The following RAPGEF1 variants were observed in gnomAD, a reference collection of about 807,000 sequenced individuals.
The protein encoded by RAPGEF1 is Rap guanine nucleotide exchange factor 1, also known as CRK SH3-binding GNRP.
In RAPGEF1, 33 loss-of-function variants were observed where a neutral mutation model predicts 143.3. That is an observed-to-expected ratio of 0.23 (90% CI 0.17 to 0.31). The LOEUF is 0.31. Among genes scored for constraint, RAPGEF1 ranks in the 10% least tolerant of loss-of-function variants. RAPGEF1 has a pLI of 1.00. For synonymous variants in RAPGEF1, 629 were observed against 676.5 expected (o/e 0.93, Z 1.09); for missense variants, 1,199 against 1,645.4 (o/e 0.73, Z 4.69).
At chr9:131,586,554 C>T (rs1343241675) in intron 22 of RAPGEF1, among the ~76,000 whole-genome samples, 6 of 59,596 alleles carry the variant, frequency 1.0e-4, no homozygotes, top group Admixed American at 2.0e-4. Flanking sequence ...ACCTGCAGAG[C>T]GAGACTCCGT....
In RAPGEF1 at chr9:131,579,569, T is replaced by C. The variant is rs200892914; in HGVS notation, c.3720A>G (p.Leu1240=). The change falls in exon 27 of 27, where the codon CTA becomes CTG. Residue 1240 remains leucine, a synonymous_variant. Coordinates refer to ENST00000683357, the MANE Select transcript of RAPGEF1 (RefSeq NM_001377935.1). ...GTTTAATTTTCAGAGACAGTTCCCA[T>C]AGGGCCTCCTCAGCCAGGTGGTCAC... ...DFSDHLAEEA[L]WELSLKIKPR... is the part of the protein sequence containing the mutation. 8.4e-5 allele frequency: 135 copies of C among 1,613,906 alleles called. No homozygotes were observed. The highest frequency in any genetic ancestry group is 3.3e-4 in the Middle Eastern group (2 of 6,084).
chr9:131,611,699 G>A (rs951153289), intron 12 of RAPGEF1, among the ~76,000 whole-genome samples: 2 of 152,048 alleles, frequency 1.3e-5, no homozygotes, highest in Non-Finnish European at 2.9e-5. Flanking sequence ...AGCCTGACAG[G>A]GGCTCTAATT....
chr9:131,613,884 T>C (rs1413947430), intron 12 of RAPGEF1, among the ~76,000 whole-genome samples: 2 of 151,834 alleles, frequency 1.3e-5, no homozygotes, highest in African/African-American at 4.8e-5. Flanking sequence ...CCCTTGAGGG[T>C]ATAGACTTGT....
chr9:131,648,498 G>A (rs1006329962), intron 3 of RAPGEF1, among the ~76,000 whole-genome samples: 3 of 152,208 alleles, frequency 2.0e-5, no homozygotes, highest in Admixed American at 6.5e-5. Flanking sequence ...GCAGGATAAC[G>A]TTGTTAGTAA....
intron 12 of RAPGEF1, among the ~76,000 whole-genome samples, chr9:131,614,834 G>GTTT (rs5900947): frequency 2.7e-5 from 4 of 146,220 alleles, no homozygotes; most frequent in Non-Finnish European, 1.5e-5. Context: ...TTAGCCTGAA[G>GTTT]TTTTTTTTTT....
chr9:131,694,363 GGAAGAGCT>G (rs1833988032), intron 1 of RAPGEF1, among the ~76,000 whole-genome samples: 1 of 152,208 alleles, frequency 6.6e-6, no homozygotes, highest in Non-Finnish European at 1.5e-5. Context: ...TCACACTCCT[GGAAGAGCT>G]GAAGAGCTGA....
intron 5 of RAPGEF1, among the ~76,000 whole-genome samples, chr9:131,635,023 G>A (rs73559680): frequency 0.024 from 3,696 of 152,120 alleles, 154 homozygotes; most frequent in African/African-American, 0.084. Context: ...ACAGGCTCCC[G>A]GTGGAAAAGC....
At chr9:131,705,101 TA>T (rs1834952184) in intron 1 of RAPGEF1, among the ~76,000 whole-genome samples, 1 of 152,184 alleles carries the variant, frequency 6.6e-6, no homozygotes, top group Admixed American at 6.5e-5. Context: ...AGGTCCCAAA[TA>T]ACCACCTGCC....
chr9:131,718,359 G>A (rs1836011194), intron 1 of RAPGEF1, among the ~76,000 whole-genome samples: 1 of 152,204 alleles, frequency 6.6e-6, no homozygotes, highest in Non-Finnish European at 1.5e-5. Context: ...GTGTGGGGAA[G>A]CCCCAGGCAA....
chr9:131,594,821 T>C (rs1319527098), intron 17 of RAPGEF1, among the ~76,000 whole-genome samples: 2 of 152,210 alleles, frequency 1.3e-5, no homozygotes, highest in Non-Finnish European at 2.9e-5. Context: ...CCTCCAGCCT[T>C]GGCCACAGCT....
intron 1 of RAPGEF1, among the ~76,000 whole-genome samples, chr9:131,666,576 G>A (rs755438339): frequency 3.3e-5 from 5 of 151,710 alleles, no homozygotes; most frequent in South Asian, 4.2e-4. Flanking sequence ...TAGTAGAGAC[G>A]GTTTCACCAT....
intron 12 of RAPGEF1, among the ~76,000 whole-genome samples, chr9:131,610,309 C>T (rs1037951326): frequency 4.0e-5 from 6 of 151,670 alleles, no homozygotes; most frequent in East Asian, 1.9e-4. Context: ...TGCTCATCAG[C>T]GGCTGAGGGT....
chr9:131,635,314 A>G (rs1966079641), intron 5 of RAPGEF1, among the ~76,000 whole-genome samples: 1 of 152,206 alleles, frequency 6.6e-6, no homozygotes, highest in Non-Finnish European at 1.5e-5. Flanking sequence ...ATACAGCTTG[A>G]ACAAGTGGCA....
intron 13 of RAPGEF1, 100 bp downstream of exon 13, chr9:131,604,831 G>A (rs1187009284): frequency 8.3e-6 from 10 of 1,209,020 alleles, no homozygotes; most frequent in Non-Finnish European, 1.1e-5. Context: ...GGGAGGCAGT[G>A]TCTTTCAGGA....
chr9:131,585,770 TG>T (rs1049306565), intron 22 of RAPGEF1, among the ~76,000 whole-genome samples: 1 of 151,918 alleles, frequency 6.6e-6, no homozygotes, highest in Non-Finnish European at 1.5e-5. Context: ...GTGGCACAGC[TG>T]CTGAGCTCTA....
Position 131,739,865 on chromosome 9 carries a change from G to A in RAPGEF1, c.-35C>T. 1.0e-6 allele frequency: 1 copy of A among 995,804 alleles called. No homozygotes were observed. The highest frequency in any genetic ancestry group is 4.5e-5 in the South Asian group (1 of 22,202). 61.7% of individuals were successfully genotyped at this position (995,804 alleles called of 1,614,324 possible). The stretch of plus-strand genomic sequence containing the variant: ...GCCGGGCCGCCGCGGGGCGACAGGG[G>A]CGGCGCGCCCGCCGCTCGCCTCGGC... On this transcript the variant is annotated 5_prime_UTR_variant, in exon 1 of 27. Coordinates refer to ENST00000683357, the MANE Select transcript of RAPGEF1 (RefSeq NM_001377935.1).
At chr9:131,739,679 A>G in intron 1 of RAPGEF1, 91 bp downstream of exon 1, 1 of 936,582 alleles carries the variant, frequency 1.1e-6, no homozygotes, top group African/African-American at 1.8e-5. Flanking sequence ...GGAGGGCCGC[A>G]CATCCCGGGC....
chr9:131,622,083 G>A, intron 10 of RAPGEF1, 85 bp from the exon 11 acceptor site: 1 of 1,343,116 alleles, frequency 7.4e-7, no homozygotes, highest in African/African-American at 1.5e-5. Flanking sequence ...ACAGCAGCTA[G>A]GGGGCTTTCC....
chr9:131,627,532 C>T (rs776025328), intron 9 of RAPGEF1, among the ~76,000 whole-genome samples: 9 of 152,212 alleles, frequency 5.9e-5, no homozygotes, highest in African/African-American at 1.7e-4. Flanking sequence ...ACGAGAAGGC[C>T]GGCTCGCGCG....
Sources: allele counts gnomAD v4.1 joint callset (sites outside exome capture counted in the v4.1 genomes callset), GRCh38; gene constraint gnomAD v4.1.1; transcripts MANE v1.5; gene names NCBI Gene and HGNC (gene_info 2026-07-23, HGNC 2026-07-21).